ATP6V1E1: variants seen among roughly 807,000 people sequenced by gnomAD.
ATP6V1E1 encodes the protein ATPase H+ transporting V1 subunit E1.
Under a neutral mutation model 35.2 loss-of-function variants are expected in ATP6V1E1, and 21 were observed. The observed-to-expected ratio is 0.60, with a 90% CI of 0.42 to 0.86. The LOEUF (loss-of-function observed/expected upper bound fraction) is 0.86. ATP6V1E1 is among the 40% of genes least tolerant of loss of function. The pLI is 0.00. For synonymous variants in ATP6V1E1, 83 were observed against 87.8 expected (o/e 0.95, Z 0.30); for missense variants, 183 against 272.6 (o/e 0.67, Z 2.32).
chr22:17,627,770 G>C (rs2057923810), intron 1 of ATP6V1E1, among the ~76,000 whole-genome samples: 1 of 143,038 alleles, frequency 7.0e-6, no homozygotes, highest in African/African-American at 2.6e-5. Context: ...AGTGAGCCGA[G>C]ATCGCGCCCT....
chr22:17,610,569 A>G (rs1012688643), intron 4 of ATP6V1E1, among the ~76,000 whole-genome samples: 9 of 152,234 alleles, frequency 5.9e-5, no homozygotes, highest in Non-Finnish European at 1.3e-4. Flanking sequence ...AGCTAAGACT[A>G]TAATCTTTTG....
At chr22:17,618,438 T>A (rs1878053022) in intron 2 of ATP6V1E1, among the ~76,000 whole-genome samples, 1 of 151,846 alleles carries the variant, frequency 6.6e-6, no homozygotes, top group Non-Finnish European at 1.5e-5. Context: ...ATCCCAGCAC[T>A]TTGGGAGGCC....
At chr22:17,625,198 T>A (rs907037239) in intron 1 of ATP6V1E1, among the ~76,000 whole-genome samples, 3 of 152,184 alleles carry the variant, frequency 2.0e-5, no homozygotes, top group African/African-American at 7.2e-5. Flanking sequence ...AAATACCCAC[T>A]CGTCTTAGTG....
intron 1 of ATP6V1E1, among the ~76,000 whole-genome samples, chr22:17,627,089 A>G (rs182347929): frequency 9.2e-5 from 14 of 152,224 alleles, no homozygotes; most frequent in African/African-American, 3.4e-4. Context: ...TGCCGGGTTC[A>G]AGCGATTCTC....
Position 17,628,610 on chromosome 22 carries a change from T to C in ATP6V1E1, c.26A>G (p.Gln9Arg). The change falls in exon 1 of 9, where the codon CAA becomes CGA. Residue 9 changes from glutamine to arginine, a missense_variant. Physicochemically the swap from Gln to Arg is conservative, Grantham distance 43. Transcript: ENST00000253413. Reference protein sequence around the residue: MALSDADVQKQIKHMMAFI... With the variant: MALSDADVRKQIKHMMAFI... ...CCCAACCAAGCCCCTCACCTGCTTT[T>C]GCACGTCAGCATCGCTGAGAGCCAT... 1 of 1,614,168 alleles carries C rather than the reference T, an allele frequency of 6.2e-7. No individual in the cohort carries two copies. The highest frequency in any genetic ancestry group is 1.1e-5 in the South Asian group (1 of 91,088).
intron 4 of ATP6V1E1, among the ~76,000 whole-genome samples, chr22:17,602,801 T>C (rs1046771140): frequency 6.6e-6 from 1 of 152,228 alleles, no homozygotes. Flanking sequence ...TTATAATACA[T>C]ACTCTGTCCC....
At chr22:17,612,917 T>G in intron 3 of ATP6V1E1, 39 bp from the exon 4 acceptor site, 1 of 1,557,672 alleles carries the variant, frequency 6.4e-7, no homozygotes, top group Non-Finnish European at 8.7e-7. Context: ...AGTAACAACT[T>G]AAAACTGTAG....
intron 4 of ATP6V1E1, among the ~76,000 whole-genome samples, chr22:17,605,946 G>T (rs1204125853): frequency 6.6e-6 from 1 of 151,228 alleles, no homozygotes; most frequent in Non-Finnish European, 1.5e-5. Flanking sequence ...AGGCATGGGG[G>T]ATGGTGCCTG....
At chr22:17,607,938 T>G (rs1426072644) in intron 4 of ATP6V1E1, among the ~76,000 whole-genome samples, 1 of 152,194 alleles carries the variant, frequency 6.6e-6, no homozygotes, top group Non-Finnish European at 1.5e-5. Flanking sequence ...GACCCTAATA[T>G]GTGGCCTGTT....
rs1490168998 is a variant in ATP6V1E1 at position 17,601,117 on chromosome 22, A to T, written c.341T>A (p.Val114Glu). The change falls in exon 5 of 9, where the codon GTG (valine) becomes GAG (glutamate). Residue 114 changes from valine to glutamate, a missense_variant. Physicochemically the swap from Val to Glu is moderately radical, Grantham distance 121 (BLOSUM62 -2). Coordinates refer to ENST00000253413, the MANE Select transcript of ATP6V1E1 (RefSeq NM_001696.4). ...KVVKDTTRYQ[V>E]LLDGLVLQGL... ...CTGGAGAACCAGTCCATCCAGCAGCACTTGGTACCTGGTTGTATCTTTTAC... is the reference window on the plus strand; with the variant it reads ...CTGGAGAACCAGTCCATCCAGCAGCTCTTGGTACCTGGTTGTATCTTTTAC... The T allele has an allele frequency of 1.9e-6, 3 of 1,613,438 alleles. No individual in the cohort carries two copies. The highest frequency in any genetic ancestry group is 2.5e-6 in the Non-Finnish European group (3 of 1,179,842).
Position 17,620,086 on chromosome 22 carries a change from T to C in ATP6V1E1, c.34-560A>G, listed in dbSNP as rs1232725079. ...ATAAAGTGACCATCTCCTCGCCCCT[T>C]GATCTTGGCCTTTTCTTACTTGATC... is the stretch of plus-strand genomic sequence containing the variant. On this transcript the variant is annotated intron_variant, in intron 1 of 8. Transcript: ENST00000253413. Among the ~76,000 whole-genome samples the C allele has an allele frequency of 2.6e-5, 4 of 152,118 alleles. 1 individual carries two copies. In the Middle Eastern group the frequency reaches 0.014, roughly 521 times the overall value.
At position 17,628,679 on chromosome 22, in the gene ATP6V1E1, G is replaced by C. The variant is rs370905181; in HGVS notation, c.-44C>G. 1.9e-6 allele frequency: 3 copies of C among 1,613,388 alleles called. No individual in the cohort carries two copies. Among genetic ancestry groups the C allele is most frequent in the Non-Finnish European group, 2.5e-6 (3 of 1,179,424 alleles). On this transcript the variant is annotated 5_prime_UTR_variant, in exon 1 of 9. Transcript: ENST00000253413. ...CCGGTGAACAGTAGGCTCGAGTTTA[G>C]GTTTGAAAGGTGAGGTGAGAGAAAT...
At chr22:17,619,415 A>G (rs1270210868) in intron 2 of ATP6V1E1, 46 bp downstream of exon 2, 1 of 1,519,332 alleles carries the variant, frequency 6.6e-7, no homozygotes, top group South Asian at 1.2e-5. Flanking sequence ...AAGCAAAACA[A>G]TATGGAAACC....
chr22:17,618,988 A>G, intron 2 of ATP6V1E1: 1 of 453,448 alleles, frequency 2.2e-6, no homozygotes, highest in Non-Finnish European at 4.4e-6. Context: ...TGACGAAGCG[A>G]GACTGTCTCA....
chr22:17,609,670 G>A (rs890060889), intron 4 of ATP6V1E1, among the ~76,000 whole-genome samples: 1 of 147,662 alleles, frequency 6.8e-6, no homozygotes, highest in Non-Finnish European at 1.5e-5. Flanking sequence ...TGGTTTCACC[G>A]TTGTTAGCCA....
chr22:17,604,257 T>C (rs532218833), intron 4 of ATP6V1E1, among the ~76,000 whole-genome samples: 1 of 152,330 alleles, frequency 6.6e-6, no homozygotes, highest in Non-Finnish European at 1.5e-5. Flanking sequence ...ACTTTCTGGT[T>C]ATAATCTGGC....
chr22:17,617,584 G>A (rs557976036), intron 2 of ATP6V1E1, among the ~76,000 whole-genome samples: 25 of 151,348 alleles, frequency 1.7e-4, no homozygotes, highest in East Asian at 1.4e-3. Context: ...GTGAGCCACC[G>A]CCCCGGCCAT....
intron 1 of ATP6V1E1, among the ~76,000 whole-genome samples, chr22:17,625,037 G>T (rs1002808795): frequency 1.1e-4 from 17 of 152,082 alleles, no homozygotes; most frequent in Admixed American, 2.6e-4. Context: ...AGAAGCAGAA[G>T]AAGCAGTGAA....
chr22:17,592,150 C>G lies in ATP6V1E1; in HGVS notation c.*524G>C, dbSNP rs1285744832. On this transcript the variant is annotated 3_prime_UTR_variant, in exon 9 of 9. Transcript: ENST00000253413. ...CAAAACCTAAATTTGTAGTGCCTTA[C>G]ACTAGAAATCACATTAAATCCGCAT... 1 of 153,206 alleles carries G rather than the reference C, an allele frequency of 6.5e-6. No homozygotes were observed. Among genetic ancestry groups the G allele is most frequent in the Non-Finnish European group, 1.5e-5 (1 of 68,634 alleles). The allele number at this position is 153,206 out of a possible 1,614,324, so 9.5% of individuals were successfully genotyped here.
Sources: allele counts gnomAD v4.1 joint callset (sites outside exome capture counted in the v4.1 genomes callset), GRCh38; gene constraint gnomAD v4.1.1; transcripts MANE v1.5; gene names NCBI Gene and HGNC (gene_info 2026-07-23, HGNC 2026-07-21).